KLHL8: variants seen among roughly 807,000 people sequenced by gnomAD.
KLHL8 encodes kelch like family member 8, also known as kelch-like protein 8.
In KLHL8, 38 loss-of-function variants were observed where a neutral mutation model predicts 63.5. The observed-to-expected ratio is 0.60, with a 90% CI of 0.46 to 0.78. The LOEUF (loss-of-function observed/expected upper bound fraction) is 0.78. KLHL8 is among the 30% of genes least tolerant of loss of function. The pLI, the probability that KLHL8 is intolerant of heterozygous loss-of-function variation, is 0.00. For missense variants in KLHL8, 566 were observed against 752.4 expected (o/e 0.75, Z 2.90); for synonymous variants, 224 against 254.3 (o/e 0.88, Z 1.13).
chr4:87,169,538 T>G (rs1243399842), intron 8 of KLHL8, among the ~76,000 whole-genome samples: 1 of 152,108 alleles, frequency 6.6e-6, no homozygotes, highest in Non-Finnish European at 1.5e-5. Context: ...ACATGAAAGA[T>G]GAAGATTTAA....
intron 1 of KLHL8, among the ~76,000 whole-genome samples, chr4:87,227,888 C>G (rs557827346): frequency 1.3e-5 from 2 of 152,136 alleles, no homozygotes; most frequent in Non-Finnish European, 2.9e-5. Context: ...TATTACATTA[C>G]AGTAAATTAT....
At chr4:87,202,806 T>G (rs4577539) in intron 1 of KLHL8, among the ~76,000 whole-genome samples, 29,709 of 152,140 alleles carry the variant, frequency 0.2, 3,623 homozygotes, top group East Asian at 0.48. Context: ...CTTTCCAACT[T>G]ATTTCATGAG....
intron 2 of KLHL8, among the ~76,000 whole-genome samples, chr4:87,194,913 T>C (rs915552353): frequency 1.3e-5 from 2 of 152,190 alleles, no homozygotes; most frequent in South Asian, 2.1e-4. Context: ...AACACTAGTA[T>C]AGCTGAGTAA....
intron 3 of KLHL8, 25 bp from the exon 4 acceptor site, chr4:87,183,414 C>A: frequency 6.8e-7 from 1 of 1,480,034 alleles, no homozygotes; most frequent in Non-Finnish European, 9.1e-7. Context: ...AGTTGCAATA[C>A]AACAAATTTT....
chr4:87,164,268 A>C (rs953572988), intron 8 of KLHL8, among the ~76,000 whole-genome samples, 189 bp from the exon 9 acceptor site: 3 of 152,158 alleles, frequency 2.0e-5, no homozygotes, highest in African/African-American at 7.2e-5. Flanking sequence ...GTTGTCTACA[A>C]TTCCACGTTA....
intron 9 of KLHL8, 100 bp from the exon 10 acceptor site, chr4:87,163,742 G>C: frequency 6.5e-7 from 1 of 1,549,424 alleles, no homozygotes. Flanking sequence ...GGTTTTGTAG[G>C]ACAGCAAGCT....
chr4:87,236,181 AG>A (rs1177828017), intron 1 of KLHL8, among the ~76,000 whole-genome samples: 1 of 151,804 alleles, frequency 6.6e-6, no homozygotes, highest in East Asian at 1.9e-4. Context: ...ACCAGGAAAA[AG>A]TATGAATTTG....
chr4:87,189,831 C>A (rs1307930714), intron 2 of KLHL8, among the ~76,000 whole-genome samples: 1 of 151,436 alleles, frequency 6.6e-6, no homozygotes, highest in Admixed American at 6.6e-5. Flanking sequence ...AGATGGAGAC[C>A]ATCCTGGCTA....
chr4:87,184,111 T>C (rs1368989858), intron 3 of KLHL8, among the ~76,000 whole-genome samples: 1 of 152,216 alleles, frequency 6.6e-6, no homozygotes, highest in East Asian at 1.9e-4. Context: ...CCTGTATCTA[T>C]TGTTATGGCC....
chr4:87,185,104 TAG>T, intron 3 of KLHL8, 145 bp downstream of exon 3: 1 of 733,802 alleles, frequency 1.4e-6, no homozygotes, highest in Non-Finnish European at 2.1e-6. Flanking sequence ...ACAGGAAAAT[TAG>T]AGAGCTAAAA....
At chr4:87,167,181 G>T in intron 8 of KLHL8, 1 of 529,522 alleles carries the variant, frequency 1.9e-6, no homozygotes, top group Non-Finnish European at 3.6e-6. Context: ...ACATTACACT[G>T]TTTATCCACC....
chr4:87,176,723 C>T (rs778663724), intron 6 of KLHL8, 34 bp downstream of exon 6: 1 of 1,192,456 alleles, frequency 8.4e-7, no homozygotes, highest in Non-Finnish European at 1.2e-6. Context: ...TTATTTCCAC[C>T]ATCAGTTCAA....
chr4:87,238,533 A>G lies in KLHL8; in HGVS notation n.57+1725T>C, dbSNP rs552847148. Reference sequence around the variant, plus strand: ...CCTGTCACACACACAAAAAAGTTCTATATCTGTTCTTTTTAATAATGTAGT... The same window carrying G: ...CCTGTCACACACACAAAAAAGTTCTGTATCTGTTCTTTTTAATAATGTAGT... On this transcript the variant is annotated intron_variant and non_coding_transcript_variant, in intron 1 of 1. Transcript: ENST00000506274. 6.6e-5 allele frequency among the ~76,000 whole-genome samples: 10 copies of G among 152,290 alleles called. No individual in the cohort carries two copies. In the South Asian group the frequency reaches 1.0e-3, roughly 16 times the overall value.
At chr4:87,193,791 T>A (rs942547785) in intron 2 of KLHL8, among the ~76,000 whole-genome samples, 3 of 152,188 alleles carry the variant, frequency 2.0e-5, no homozygotes, top group Non-Finnish European at 4.4e-5. Context: ...GTGATAGGAA[T>A]TTTTCAGCTC....
At chr4:87,167,949 T>C (rs906500075) in intron 8 of KLHL8, among the ~76,000 whole-genome samples, 11 of 152,172 alleles carry the variant, frequency 7.2e-5, no homozygotes, top group Non-Finnish European at 1.2e-4. Context: ...TTTGGCCAAA[T>C]GTCTCTACAA....
At chr4:87,199,672 A>G (rs1409272828) in intron 1 of KLHL8, among the ~76,000 whole-genome samples, 1 of 152,072 alleles carries the variant, frequency 6.6e-6, no homozygotes, top group Non-Finnish European at 1.5e-5. Flanking sequence ...AAACAAAAAA[A>G]AAAAATGAAG....
chr4:87,221,709 T>C (rs1732859336), upstream of KLHL8, among the ~76,000 whole-genome samples: 1 of 152,066 alleles, frequency 6.6e-6, no homozygotes, highest in South Asian at 2.1e-4. Context: ...TATATGCATC[T>C]TCTATAAAAA....
intron 1 of KLHL8, among the ~76,000 whole-genome samples, chr4:87,196,541 A>G: frequency 6.6e-6 from 1 of 152,188 alleles, no homozygotes; most frequent in Non-Finnish European, 1.5e-5. Flanking sequence ...AAATATTTTG[A>G]GGATTAAAAA....
intron 2 of KLHL8, among the ~76,000 whole-genome samples, chr4:87,193,160 T>C (rs1202900466): frequency 6.6e-6 from 1 of 152,232 alleles, no homozygotes; most frequent in East Asian, 1.9e-4. Flanking sequence ...TTTTTGACTC[T>C]TGTAATAACA....
Sources: allele counts gnomAD v4.1 joint callset (sites outside exome capture counted in the v4.1 genomes callset), GRCh38; gene constraint gnomAD v4.1.1; transcripts MANE v1.5; gene names NCBI Gene and HGNC (gene_info 2026-07-23, HGNC 2026-07-21).